Variants in ALCAM observed in about 807,000 individuals in gnomAD.
ALCAM encodes the protein activated leukocyte cell adhesion molecule.
A neutral mutation model predicts 70.9 loss-of-function variants in ALCAM; 30 were observed. That is an observed-to-expected ratio of 0.42 (90% CI 0.32 to 0.57). ALCAM has a LOEUF of 0.57. Among genes scored for constraint, ALCAM ranks in the 20% least tolerant of loss-of-function variants. The pLI is 0.11. For missense variants in ALCAM, 591 were observed against 695.1 expected (o/e 0.85, Z 1.68); for synonymous variants, 249 against 242.5 (o/e 1.03, Z -0.25).
intron 1 of ALCAM, among the ~76,000 whole-genome samples, chr3:105,464,827 CATAAAGATCTT>C (rs1204683108): frequency 6.6e-6 from 1 of 151,284 alleles, no homozygotes; most frequent in Admixed American, 6.6e-5. Context: ...ATATAATTTA[CATAAAGATCTT>C]AGTGGTAGGA....
rs759678619 is a variant in ALCAM, at chr3:105,552,507, T to C, written c.1586T>C (p.Ile529Thr). Residue 529 changes from isoleucine (I) to threonine (T), a missense_variant, in exon 14 of 16, where the codon ATT becomes ACT. Physicochemically the swap from Ile to Thr is moderately conservative, Grantham distance 89 (BLOSUM62 -1). Around this residue, in one of 2 missense-constraint regions of ALCAM, gnomAD observed 164 missense variants for 244.7 expected, o/e 0.67. Transcript: ENST00000306107. The part of the protein sequence containing the change: ...REKVNDQAKL[I>T]VGIVVGLLLA... ...AAGGTGAATGACCAGGCAAAACTAATTGTGGGAATCGTTGTTGGTCTCCTC... is the reference window on the plus strand; with the variant it reads ...AAGGTGAATGACCAGGCAAAACTAACTGTGGGAATCGTTGTTGGTCTCCTC... 3 of 1,611,624 alleles carry C rather than the reference T, an allele frequency of 1.9e-6. No individual in the cohort carries two copies. The highest frequency in any genetic ancestry group is 4.5e-5 in the East Asian group (2 of 44,826).
At chr3:105,411,618 A>T (rs919354971) in intron 1 of ALCAM, among the ~76,000 whole-genome samples, 1 of 152,084 alleles carries the variant, frequency 6.6e-6, no homozygotes, top group African/African-American at 2.4e-5. Context: ...CATCTTAGGG[A>T]ATACTGTCTA....
intron 6 of ALCAM, among the ~76,000 whole-genome samples, chr3:105,538,638 C>T (rs950817297): frequency 1.3e-5 from 2 of 152,044 alleles, no homozygotes; most frequent in Non-Finnish European, 2.9e-5. Flanking sequence ...GCCACAGTGA[C>T]ATGCCACAGG....
chr3:105,386,590 T>C (rs1935661665), intron 1 of ALCAM, among the ~76,000 whole-genome samples: 2 of 151,386 alleles, frequency 1.3e-5, no homozygotes, highest in Admixed American at 1.3e-4. Flanking sequence ...CTTGGGCTTG[T>C]CATTATACCA....
intron 9 of ALCAM, 111 bp downstream of exon 9, chr3:105,545,446 C>A (rs1256608361): frequency 2.9e-6 from 2 of 682,886 alleles, no homozygotes; most frequent in Admixed American, 2.5e-5. Flanking sequence ...GTTTATATAC[C>A]AGCTCTCTCT....
intron 1 of ALCAM, among the ~76,000 whole-genome samples, chr3:105,494,762 T>C (rs1938689902): frequency 6.6e-6 from 1 of 151,992 alleles, no homozygotes; most frequent in South Asian, 2.1e-4. Flanking sequence ...TGGGCTCAAG[T>C]GATCCCCCCA....
At chr3:105,390,028 A>G (rs1325774366) in intron 1 of ALCAM, among the ~76,000 whole-genome samples, 1 of 151,908 alleles carries the variant, frequency 6.6e-6, no homozygotes, top group Non-Finnish European at 1.5e-5. Context: ...GCTACTGTGA[A>G]TAGTGCTGCA....
At chr3:105,442,641 C>A (rs1384732371) in intron 1 of ALCAM, among the ~76,000 whole-genome samples, 1 of 151,758 alleles carries the variant, frequency 6.6e-6, no homozygotes, top group Non-Finnish European at 1.5e-5. Context: ...ATTAGGCGGG[C>A]GTGGTGGCGG....
intron 1 of ALCAM, among the ~76,000 whole-genome samples, chr3:105,447,590 T>C (rs1240402090): frequency 6.6e-6 from 1 of 152,130 alleles, no homozygotes; most frequent in Non-Finnish European, 1.5e-5. Flanking sequence ...TCTGGGGTGC[T>C]ACCACCCAGC....
intron 8 of ALCAM, among the ~76,000 whole-genome samples, chr3:105,542,646 CTT>C (rs1940148010): frequency 6.6e-6 from 1 of 151,832 alleles, no homozygotes; most frequent in Admixed American, 6.6e-5. Flanking sequence ...TATAAAGAGA[CTT>C]TAGAAATTGT....
At chr3:105,404,954 A>G (rs1936184823) in intron 1 of ALCAM, among the ~76,000 whole-genome samples, 1 of 152,100 alleles carries the variant, frequency 6.6e-6, no homozygotes, top group African/African-American at 2.4e-5. Flanking sequence ...TGTCAGACGA[A>G]ACAAACTTTA....
At chr3:105,573,474 T>C (rs927557843) in intron 15 of ALCAM, among the ~76,000 whole-genome samples, 2 of 152,224 alleles carry the variant, frequency 1.3e-5, no homozygotes, top group Non-Finnish European at 2.9e-5. Flanking sequence ...TATGCTTTTA[T>C]AGGTAGTATA....
chr3:105,464,083 T>C (rs1344381961), intron 1 of ALCAM, among the ~76,000 whole-genome samples: 1 of 151,360 alleles, frequency 6.6e-6, no homozygotes. Flanking sequence ...GAGGACTAAA[T>C]AGTGCATGGG....
chr3:105,510,832 T>C (rs1393302151), intron 1 of ALCAM, among the ~76,000 whole-genome samples: 3 of 152,056 alleles, frequency 2.0e-5, no homozygotes, highest in African/African-American at 7.2e-5. Context: ...GGGCGGTGCA[T>C]TTAACCATTT....
chr3:105,543,112 T>C (rs1374309249), intron 8 of ALCAM, among the ~76,000 whole-genome samples: 1 of 151,750 alleles, frequency 6.6e-6, no homozygotes, highest in Admixed American at 6.6e-5. Context: ...GATGGTGTGA[T>C]GTGCTTATTT....
intron 1 of ALCAM, among the ~76,000 whole-genome samples, chr3:105,389,038 A>T (rs2107348635): frequency 6.6e-6 from 1 of 151,726 alleles, no homozygotes; most frequent in East Asian, 1.9e-4. Context: ...TGAATGAACA[A>T]AGTGAGATAA....
chr3:105,415,058 C>T (rs1423008580), intron 1 of ALCAM, among the ~76,000 whole-genome samples: 1 of 152,130 alleles, frequency 6.6e-6, no homozygotes, highest in African/African-American at 2.4e-5. Context: ...CTCTGTTAAA[C>T]AGTGTTTCGA....
intron 1 of ALCAM, among the ~76,000 whole-genome samples, chr3:105,382,447 A>G (rs1363851923): frequency 1.3e-5 from 2 of 152,036 alleles, no homozygotes; most frequent in South Asian, 2.1e-4. Flanking sequence ...TCCTTTGGGT[A>G]TATACCCAGT....
At chr3:105,552,026 A>G in intron 12 of ALCAM, 118 bp from the exon 13 acceptor site, 1 of 592,930 alleles carries the variant, frequency 1.7e-6, no homozygotes, top group Admixed American at 3.8e-5. Flanking sequence ...TTTTACTGTT[A>G]GCTATAGAAT....
Sources: allele counts gnomAD v4.1 joint callset (sites outside exome capture counted in the v4.1 genomes callset), GRCh38; gene constraint gnomAD v4.1.1; regional missense constraint gnomAD v4.1.1; transcripts MANE v1.5; gene names NCBI Gene and HGNC (gene_info 2026-07-23, HGNC 2026-07-21).